The following CFAP47 variants were observed in gnomAD, a reference collection of about 807,000 sequenced individuals.
The protein encoded by CFAP47 is cilia and flagella associated protein 47.
In CFAP47, 29 loss-of-function variants were observed where a neutral mutation model predicts 148.1. The observed-to-expected ratio is 0.20, with a 90% confidence interval of 0.15 to 0.27. CFAP47 has a LOEUF of 0.27. Among genes scored for constraint, CFAP47 ranks in the 10% least tolerant of loss-of-function variants. The pLI is 1.00. For synonymous variants in CFAP47, 664 were observed against 577.3 expected, an observed-to-expected ratio of 1.15 and a Z score of -2.15; for missense variants, 1,872 against 1,697.5, an observed-to-expected ratio of 1.10 and a Z score of -1.81.
chrX:36,138,188 G>A, intron 34 of CFAP47, 133 bp downstream of exon 34: 2 of 580,686 alleles, frequency 3.4e-6, no homozygotes, highest in Non-Finnish European at 2.5e-6. Context: ...AATCTGCATG[G>A]CCAGCACTAC....
In CFAP47 at chrX:36,347,143, T is replaced by G. The variant is rs1602119471; in HGVS notation, c.8444-986T>G. 3.6e-5 allele frequency among the ~76,000 whole-genome samples: 4 copies of G among 112,023 alleles called. 1 individual carries two copies. The Admixed American group carries it at 3.8e-4, about 11-fold the overall frequency. ...GGCAAAGGATATGAACAGACACTTC[T>G]CAAAAGAAGACATTTATGCAGCCAA... On this transcript the variant is annotated intron_variant, in intron 57 of 63. Transcript: ENST00000378653.
rs1936161512 is a variant in CFAP47 at position 35,951,298 on chromosome X, A to G, written c.824A>G (p.Asn275Ser). The change falls in exon 5 of 64, where the codon AAT (asparagine) becomes AGT (serine). Residue 275 changes from asparagine (N) to serine (S), a missense_variant. Transcript: ENST00000378653. The stretch of plus-strand genomic sequence containing the variant: ...ATTAAACATGCACGTGTATACAATA[A>G]TAGCCCAGAGCCCATAAATTGGGTG... ...SKIKHARVYN[N>S]SPEPINWVAI... 6 of 1,210,785 alleles carry G rather than the reference A, an allele frequency of 5.0e-6. No individual in the cohort carries two copies. In the South Asian group the frequency reaches 1.1e-4, roughly 21 times the overall value.
chrX:36,092,932 C>T (rs1938211204), intron 30 of CFAP47, among the ~76,000 whole-genome samples: 1 of 111,002 alleles, frequency 9.0e-6, no homozygotes, highest in Admixed American at 9.6e-5. Context: ...ACTCTGGTAA[C>T]TATCCTTCTC....
chrX:36,218,403 G>T (rs1440404026), intron 45 of CFAP47, among the ~76,000 whole-genome samples: 1 of 111,584 alleles, frequency 9.0e-6, no homozygotes, highest in East Asian at 2.8e-4. Context: ...ACCCATGAAG[G>T]CCTACAGAAA....
intron 45 of CFAP47, among the ~76,000 whole-genome samples, chrX:36,207,478 A>G (rs782247966): frequency 2.5e-4 from 28 of 111,338 alleles, no homozygotes; most frequent in Middle Eastern, 4.6e-3. Context: ...AGGTATTAAA[A>G]AAGTGGCTTT....
At chrX:36,304,858 A>T (rs1556008534) in intron 54 of CFAP47, among the ~76,000 whole-genome samples, 1 of 112,343 alleles carries the variant, frequency 8.9e-6, no homozygotes, top group Non-Finnish European at 1.9e-5. Context: ...CCTAAGGTTT[A>T]GCATGACTAT....
At chrX:36,238,764 A>T in intron 48 of CFAP47, among the ~76,000 whole-genome samples, 1 of 112,102 alleles carries the variant, frequency 8.9e-6, no homozygotes, top group East Asian at 2.8e-4. Context: ...ACGCATCAAA[A>T]GCATCCTTAT....
intron 27 of CFAP47, among the ~76,000 whole-genome samples, chrX:36,069,437 A>C (rs1004899755): frequency 3.6e-5 from 4 of 111,706 alleles, no homozygotes; most frequent in South Asian, 3.7e-4. Flanking sequence ...TAAATAAATA[A>C]ATAAAACCTT....
intron 1 of CFAP47, among the ~76,000 whole-genome samples, chrX:35,923,995 ATG>A (rs1404940376): frequency 1.9e-4 from 19 of 101,831 alleles, no homozygotes; most frequent in Non-Finnish European, 2.9e-4. Context: ...ATGTACATAT[ATG>A]TGTATATGTG....
At chrX:35,946,128 C>T (rs1054200200) in intron 3 of CFAP47, among the ~76,000 whole-genome samples, 20 of 110,858 alleles carry the variant, frequency 1.8e-4, no homozygotes, top group African/African-American at 5.9e-4. Context: ...CCACCTCCGT[C>T]TTCCAAATTG....
At position 36,367,014 on chromosome X, in the gene CFAP47, G is replaced by T. The variant is rs1183661541; in HGVS notation, c.9072G>T (p.Lys3024Asn). The T allele has an allele frequency of 1.7e-6, 2 of 1,156,693 alleles. No individual in the cohort carries two copies. Among genetic ancestry groups the T allele is most frequent in the Middle Eastern group, 2.3e-4 (1 of 4,265 alleles). The change falls in exon 62 of 64, where the codon AAG becomes AAT. Residue 3024 changes from lysine (K) to asparagine (N), a missense_variant. Transcript: ENST00000378653. ...AGTGCGTAACAGAAGGGATCTGGAA[G>T]TTTCCCATAATGTTGATCGCTACTG... ...KIECVTEGIW[K>N]FPIMLIATEP... is the part of the protein sequence containing the mutation.
intron 49 of CFAP47, among the ~76,000 whole-genome samples, chrX:36,275,582 A>T (rs1391132645): frequency 9.1e-6 from 1 of 110,467 alleles, no homozygotes; most frequent in Non-Finnish European, 1.9e-5. Context: ...TATGTTGCTG[A>T]ATTCAGTATG....
chrX:36,175,292 C>T (rs1688834668), intron 39 of CFAP47, among the ~76,000 whole-genome samples: 1 of 112,388 alleles, frequency 8.9e-6, no homozygotes, highest in South Asian at 3.7e-4. Flanking sequence ...AAGCCTTCTT[C>T]TCTCAGCTCA....
intron 33 of CFAP47, among the ~76,000 whole-genome samples, chrX:36,122,047 T>C (rs1938753974): frequency 9.0e-6 from 1 of 111,542 alleles, no homozygotes; most frequent in Non-Finnish European, 1.9e-5. Context: ...TTTTGCTGAA[T>C]ATACTATTCT....
chrX:36,181,613 CA>C (rs2146868700), intron 40 of CFAP47, among the ~76,000 whole-genome samples: 1 of 111,607 alleles, frequency 9.0e-6, no homozygotes, highest in African/African-American at 3.3e-5. Context: ...TGATGAAAAA[CA>C]AAACAAAACA....
At chrX:36,018,793 C>G (rs1159354925) in intron 22 of CFAP47, among the ~76,000 whole-genome samples, 3 of 109,627 alleles carry the variant, frequency 2.7e-5, no homozygotes, top group African/African-American at 1.0e-4. Context: ...CGATATTGGC[C>G]TGTCCTATCT....
chrX:35,924,742 T>C (rs1030124855), intron 1 of CFAP47, among the ~76,000 whole-genome samples: 2 of 110,817 alleles, frequency 1.8e-5, no homozygotes, highest in African/African-American at 3.3e-5. Context: ...AAGTAGTCCA[T>C]TGGCATTTAT....
chrX:35,935,789 A>G (rs781551910), intron 2 of CFAP47, among the ~76,000 whole-genome samples: 2 of 110,966 alleles, frequency 1.8e-5, no homozygotes, highest in African/African-American at 3.3e-5. Flanking sequence ...TTTTCAGTTG[A>G]CAGTTTTCTT....
chrX:36,148,997 G>T, intron 36 of CFAP47, 111 bp from the exon 37 acceptor site: 5 of 208,406 alleles, frequency 2.4e-5, no homozygotes, highest in African/African-American at 3.1e-5. Flanking sequence ...TTATAAATAA[G>T]TATATTTATG....
Sources: allele counts gnomAD v4.1 joint callset (sites outside exome capture counted in the v4.1 genomes callset), GRCh38; gene constraint gnomAD v4.1.1; transcripts MANE v1.5; gene names NCBI Gene and HGNC (gene_info 2026-07-23, HGNC 2026-07-21).